The following SNX19 variants were observed in gnomAD, a reference collection of about 807,000 sequenced individuals.
The protein encoded by SNX19 is sorting nexin 19.
Under a neutral mutation model 85.2 loss-of-function variants are expected in SNX19, and 60 were observed. That is an observed-to-expected ratio of 0.70 (90% CI 0.57 to 0.87). The LOEUF is 0.87. SNX19 is among the 40% of genes least tolerant of loss of function. The pLI, the probability that SNX19 is intolerant of heterozygous loss-of-function variation, is 0.00. For missense variants in SNX19, 1,201 were observed against 1,217.8 expected (o/e 0.99, Z 0.21); for synonymous variants, 520 against 470.0 (o/e 1.11, Z -1.38).
At chr11:130,882,735 AAT>A (rs1354117301) in intron 8 of SNX19, among the ~76,000 whole-genome samples, 1 of 152,320 alleles carries the variant, frequency 6.6e-6, no homozygotes, top group East Asian at 1.9e-4. Context: ...AGGTGGCTGC[AAT>A]GACCTGATCG....
chr11:130,895,299 A>C, intron 8 of SNX19: 1 of 972,370 alleles, frequency 1.0e-6, no homozygotes, highest in Non-Finnish European at 1.2e-6. Context: ...AGGGAATGAA[A>C]GACTCAGTTT....
intron 8 of SNX19, among the ~76,000 whole-genome samples, chr11:130,894,114 C>G (rs1016048614): frequency 1.2e-4 from 18 of 152,056 alleles, no homozygotes; most frequent in African/African-American, 4.3e-4. Context: ...TCAGCACTGA[C>G]AATCTCCATC....
At chr11:130,909,460 T>C (rs1026459783) in intron 4 of SNX19, among the ~76,000 whole-genome samples, 10 of 152,336 alleles carry the variant, frequency 6.6e-5, no homozygotes, top group African/African-American at 2.2e-4. Context: ...GATGCTCATA[T>C]CAGTTGGTAA....
intron 8 of SNX19, chr11:130,893,747 G>T (rs1944668961): frequency 8.6e-6 from 6 of 698,334 alleles, no homozygotes; most frequent in Non-Finnish European, 1.3e-5. Flanking sequence ...AGAGGAGGCA[G>T]GTGTTGAGGA....
rs895339677 is a variant in SNX19 at position 130,877,501 on chromosome 11, C to T, written c.*921G>A. On this transcript the variant is annotated 3_prime_UTR_variant, in exon 11 of 11. Coordinates refer to ENST00000265909, the MANE Select transcript of SNX19 (RefSeq NM_014758.3). ...GATTTCATCCCCCAGCCTTGCTAGTCCTACTCTTTGTGCATTCTTAAGACA... is the reference window on the plus strand; with the variant it reads ...GATTTCATCCCCCAGCCTTGCTAGTTCTACTCTTTGTGCATTCTTAAGACA... The T allele has an allele frequency of 1.8e-4, 28 of 152,256 alleles. No individual in the cohort carries two copies. The highest frequency in any genetic ancestry group is 6.8e-4 in the African/African-American group (28 of 41,446). 9.4% of individuals were successfully genotyped at this position (152,256 alleles called of 1,614,324 possible). A position where few individuals can be genotyped will look rare whatever the true frequency, so the allele number is the denominator to read the frequency against.
chr11:130,879,632 G>C lies in SNX19; in HGVS notation c.2838C>G (p.Leu946=). ...GLVLESLQQP[L]INRHLIYCLG... ...AACATTTTCCCACTTACCTGTTGATGAGGGGTTGTTGTAGTGACTCCAGGA... is the reference window on the plus strand; with the variant it reads ...AACATTTTCCCACTTACCTGTTGATCAGGGGTTGTTGTAGTGACTCCAGGA... Residue 946 remains leucine, a synonymous_variant, in exon 10 of 11, where the codon CTC becomes CTG. Transcript: ENST00000265909. The C allele has an allele frequency of 6.2e-7, 1 of 1,613,774 alleles. No homozygotes were observed. Among genetic ancestry groups the C allele is most frequent in the Non-Finnish European group, 8.5e-7 (1 of 1,179,778 alleles).
At position 130,903,355 on chromosome 11, in the gene SNX19, G is replaced by C. The variant is rs1945398077; in HGVS notation, c.2473C>G (p.Leu825Val). ...GTETELADTALDLLLLLLTEQ... is the reference protein window; with the variant it reads ...GTETELADTAVDLLLLLLTEQ... ...GTTAGTAGCAAGAGGAGCAGATCCA[G>C]GGCTGTGTCAGCTAACTCTGTCTCT... The change falls in exon 8 of 11, where the codon CTG (leucine) becomes GTG (valine). Residue 825 changes from leucine (L) to valine (V), a missense_variant. Transcript: ENST00000265909. 6.2e-7 allele frequency: 1 copy of C among 1,612,966 alleles called. No individual in the cohort carries two copies. The highest frequency in any genetic ancestry group is 8.5e-7 in the Non-Finnish European group (1 of 1,179,872).
At chr11:130,912,429 T>C (rs765342666) in intron 1 of SNX19, among the ~76,000 whole-genome samples, 1 of 152,242 alleles carries the variant, frequency 6.6e-6, no homozygotes, top group Non-Finnish European at 1.5e-5. Context: ...AGACGACTTA[T>C]ATCTCATGTT....
intron 8 of SNX19, among the ~76,000 whole-genome samples, chr11:130,891,817 T>C (rs571469581): frequency 7.2e-5 from 11 of 151,894 alleles, no homozygotes; most frequent in Non-Finnish European, 1.3e-4. Context: ...TATTGTGACA[T>C]GTTTAAGATT....
Position 130,871,854 on chromosome 11 carries a change from C to T in SNX19, c.*6568G>A, listed in dbSNP as rs567563168. ...GGATGATTCATACATTATTCACAAACTTACCTTCTTAATCACTACAACACT... is the reference window on the plus strand; with the variant it reads ...GGATGATTCATACATTATTCACAAATTTACCTTCTTAATCACTACAACACT... On this transcript the variant is annotated 3_prime_UTR_variant, in exon 11 of 11. Transcript: ENST00000265909. Among the ~76,000 whole-genome samples the T allele has an allele frequency of 3.3e-4, 50 of 152,338 alleles. No homozygotes were observed. The highest frequency in any genetic ancestry group is 1.1e-3 in the African/African-American group (47 of 41,564).
chr11:130,915,526 C>T lies in SNX19; in HGVS notation c.414G>A (p.Leu138=). ...TCATCCTTCTCCGAAGCTCCTGGAC[C>T]AACCCTTTCATGGCTGCCTCCATTT... The part of the protein sequence containing the change: ...EEEMEAAMKG[L]VQELRRRMSV... Residue 138 remains leucine, a synonymous_variant, in exon 1 of 11, where the codon TTG becomes TTA. Coordinates refer to ENST00000265909, the MANE Select transcript of SNX19 (RefSeq NM_014758.3). The T allele has an allele frequency of 6.2e-7, 1 of 1,614,214 alleles. No individual in the cohort carries two copies. Among genetic ancestry groups the T allele is most frequent in the African/African-American group, 1.3e-5 (1 of 75,064 alleles).
At chr11:130,884,589 C>T (rs190836767) in intron 8 of SNX19, among the ~76,000 whole-genome samples, 166 of 152,174 alleles carry the variant, frequency 1.1e-3, no homozygotes, top group Non-Finnish European at 1.8e-3. Context: ...TATAATAGGC[C>T]GGGCATAGTG....
In SNX19 at chr11:130,914,363, C is replaced by T. The variant is rs753825236; in HGVS notation, c.1577G>A (p.Gly526Asp). The change falls in exon 1 of 11, where the codon GGT becomes GAT. Residue 526 changes from glycine to aspartate, a missense_variant. Around this residue, in one of 3 missense-constraint regions of SNX19, gnomAD observed 791 missense variants for 750.9 expected, o/e 1.05. Coordinates refer to ENST00000265909, the MANE Select transcript of SNX19 (RefSeq NM_014758.3). Reference protein sequence around the residue: ...FSFEPLSSPDGPVIIQNLRIT... With the variant: ...FSFEPLSSPDDPVIIQNLRIT... ...ACGAAGGTTCTGGATGATAACTGGA[C>T]CATCGGGACTGCTTAGGGGCTCAAA... 1.2e-6 allele frequency: 2 copies of T among 1,613,672 alleles called. No individual in the cohort carries two copies. Among genetic ancestry groups the T allele is most frequent in the South Asian group, 1.1e-5 (1 of 91,054 alleles).
intron 7 of SNX19, among the ~76,000 whole-genome samples, chr11:130,904,850 C>T (rs1945535783): frequency 6.6e-6 from 1 of 152,108 alleles, no homozygotes; most frequent in Non-Finnish European, 1.5e-5. Context: ...GACCCTGCCC[C>T]CCACCATCTT....
chr11:130,903,016 A>G, intron 8 of SNX19: 1 of 441,552 alleles, frequency 2.3e-6, no homozygotes, highest in East Asian at 4.5e-5. Flanking sequence ...GATCACACAC[A>G]GTGTCTGCAA....
intron 1 of SNX19, 103 bp downstream of exon 1, chr11:130,914,163 A>G (rs1946355054): frequency 1.1e-6 from 1 of 942,074 alleles, no homozygotes. Flanking sequence ...TGAAAGAACC[A>G]CTTCAAACTA....
chr11:130,897,028 TG>T (rs1349191781), intron 8 of SNX19, among the ~76,000 whole-genome samples: 1 of 151,782 alleles, frequency 6.6e-6, no homozygotes, highest in Non-Finnish European at 1.5e-5. Context: ...TTAGGGGAGG[TG>T]GACGTTGCGC....
chr11:130,866,295 G>A lies in SNX19; in HGVS notation c.*12127C>T, dbSNP rs1163773798. 3.3e-5 allele frequency: 5 copies of A among 152,196 alleles called. No homozygotes were observed. The highest frequency in any genetic ancestry group is 1.2e-4 in the African/African-American group (5 of 41,454). The allele number at this position is 152,196 out of a possible 1,614,324, so 9.4% of individuals were successfully genotyped here. On this transcript the variant is annotated 3_prime_UTR_variant, in exon 11 of 11. Transcript: ENST00000265909. ...CTAAGCATTTTTTATGTGCAGGAGAGAGTACAAACCAACATGCAACATAGT... is the reference window on the plus strand; with the variant it reads ...CTAAGCATTTTTTATGTGCAGGAGAAAGTACAAACCAACATGCAACATAGT...
intron 6 of SNX19, among the ~76,000 whole-genome samples, chr11:130,906,354 T>G (rs915224327): frequency 2.6e-5 from 4 of 151,368 alleles, no homozygotes; most frequent in African/African-American, 9.7e-5. Context: ...TGGTCATCCA[T>G]TTTTTTTTCC....
Sources: allele counts gnomAD v4.1 joint callset (sites outside exome capture counted in the v4.1 genomes callset), GRCh38; gene constraint gnomAD v4.1.1; regional missense constraint gnomAD v4.1.1; transcripts MANE v1.5; gene names NCBI Gene and HGNC (gene_info 2026-07-23, HGNC 2026-07-21).